The following LINGO2 variants were observed in gnomAD, a reference collection of about 807,000 sequenced individuals.
LINGO2 encodes leucine-rich repeat and immunoglobulin-like domain-containing nogo receptor-interacting protein 2.
A neutral mutation model predicts 30.6 loss-of-function variants in LINGO2; 14 were observed. The ratio of observed to expected loss-of-function variants is 0.46; its 90% CI spans 0.30 to 0.72. LINGO2 has a LOEUF of 0.72. Among genes scored for constraint, LINGO2 ranks in the 30% least tolerant of loss-of-function variants. The pLI is 0.07. For missense variants in LINGO2, 729 were observed against 751.7 expected (o/e 0.97, Z 0.35); for synonymous variants, 317 against 288.5 (o/e 1.10, Z -1.00).
chr9:29,061,299 C>G, the LINGO2 span, among the ~76,000 whole-genome samples: 2 of 151,894 alleles, frequency 1.3e-5, no homozygotes, highest in Non-Finnish European at 2.9e-5. Flanking sequence ...AATACAATCC[C>G]TATCAAAATC....
the LINGO2 span, among the ~76,000 whole-genome samples, chr9:29,114,097 T>A: frequency 7.9e-5 from 12 of 151,440 alleles, no homozygotes; most frequent in Admixed American, 3.3e-4. Context: ...AAGTCCTGAT[T>A]TGGCTTTTTC....
intron 1 of LINGO2, among the ~76,000 whole-genome samples, chr9:28,588,651 G>A (rs1306452793): frequency 6.6e-6 from 1 of 151,988 alleles, no homozygotes; most frequent in Non-Finnish European, 1.5e-5. Flanking sequence ...ATGGAGAATT[G>A]AACCAGAATC....
the LINGO2 span, among the ~76,000 whole-genome samples, chr9:28,773,896 T>C: frequency 0.022 from 3,407 of 152,254 alleles, 61 homozygotes; most frequent in Non-Finnish European, 0.031. Flanking sequence ...GAATACTTAT[T>C]ATAAAGGAAA....
chr9:28,675,966 T>A, the LINGO2 span, among the ~76,000 whole-genome samples: 2 of 149,034 alleles, frequency 1.3e-5, no homozygotes, highest in African/African-American at 4.9e-5. Flanking sequence ...TATATGTATA[T>A]ATACATTTAA....
chr9:28,748,501 A>T, the LINGO2 span, among the ~76,000 whole-genome samples: 2 of 152,060 alleles, frequency 1.3e-5, no homozygotes, highest in Admixed American at 1.3e-4. Flanking sequence ...ATTCATTACT[A>T]AAACACTGTT....
chr9:28,458,636 C>A (rs915867727), intron 2 of LINGO2, among the ~76,000 whole-genome samples: 2 of 152,156 alleles, frequency 1.3e-5, no homozygotes, highest in Non-Finnish European at 2.9e-5. Context: ...AATTCACTTG[C>A]CATTAGGTGG....
chr9:28,563,572 G>A (rs1823214001), intron 1 of LINGO2, among the ~76,000 whole-genome samples: 1 of 152,084 alleles, frequency 6.6e-6, no homozygotes, highest in Admixed American at 6.5e-5. Flanking sequence ...CTATGCAAAT[G>A]CAAATATGCA....
the LINGO2 span, among the ~76,000 whole-genome samples, chr9:28,804,606 C>T: frequency 1.3e-5 from 2 of 151,616 alleles, no homozygotes; most frequent in South Asian, 2.1e-4. Flanking sequence ...TGATTTAATA[C>T]CTTAATCAGA....
chr9:28,793,243 AT>A, the LINGO2 span, among the ~76,000 whole-genome samples: 521 of 152,260 alleles, frequency 3.4e-3, 5 homozygotes, highest in African/African-American at 0.012. Flanking sequence ...TATTTTTTAA[AT>A]TTTTTTGAGC....
the LINGO2 span, among the ~76,000 whole-genome samples, chr9:28,863,454 T>C: frequency 2.0e-3 from 305 of 152,226 alleles, 1 homozygote; most frequent in African/African-American, 7.0e-3. Context: ...TCTGGTGTGT[T>C]TGACACAGGT....
At chr9:28,378,444 T>G (rs1410732080) in intron 2 of LINGO2, among the ~76,000 whole-genome samples, 1 of 152,122 alleles carries the variant, frequency 6.6e-6, no homozygotes, top group Non-Finnish European at 1.5e-5. Context: ...CATGTGGCAA[T>G]AAATACAGGA....
At chr9:28,809,094 T>C in the LINGO2 span, among the ~76,000 whole-genome samples, 2 of 152,238 alleles carry the variant, frequency 1.3e-5, no homozygotes, top group Non-Finnish European at 2.9e-5. Context: ...TAGAAGCTTT[T>C]CTTTAATTAA....
chr9:29,122,909 C>G, the LINGO2 span, among the ~76,000 whole-genome samples: 1 of 152,040 alleles, frequency 6.6e-6, no homozygotes, highest in Non-Finnish European at 1.5e-5. Flanking sequence ...CAGTAATAGC[C>G]CAGTGTGTCT....
At chr9:28,339,970 C>T (rs988189189) in intron 3 of LINGO2, among the ~76,000 whole-genome samples, 9 of 152,142 alleles carry the variant, frequency 5.9e-5, no homozygotes, top group Non-Finnish European at 1.2e-4. Flanking sequence ...CAAAGCCTGG[C>T]CACTTCCCCT....
the LINGO2 span, among the ~76,000 whole-genome samples, chr9:28,830,138 G>T: frequency 6.6e-6 from 1 of 152,122 alleles, no homozygotes; most frequent in East Asian, 1.9e-4. Context: ...GACAAATTTC[G>T]TCTGGAATAG....
At chr9:28,024,331 A>G (rs1165419331) in intron 4 of LINGO2, among the ~76,000 whole-genome samples, 1 of 152,136 alleles carries the variant, frequency 6.6e-6, no homozygotes, top group Non-Finnish European at 1.5e-5. Flanking sequence ...TGCCCGGAGG[A>G]TGGGTGGAGG....
the LINGO2 span, among the ~76,000 whole-genome samples, chr9:28,774,586 T>C: frequency 3.5e-5 from 5 of 144,600 alleles, no homozygotes; most frequent in South Asian, 2.2e-4. Context: ...TTGTCAGCTC[T>C]GAACTTAAAA....
At chr9:28,797,355 TATATAGAGAG>T in the LINGO2 span, among the ~76,000 whole-genome samples, 378 of 59,266 alleles carry the variant, frequency 6.4e-3, 3 homozygotes, top group Admixed American at 0.01. Flanking sequence ...TATATATATA[TATATAGAGAG>T]AGAGAGAGAG....
At chr9:28,038,209 A>G (rs987334506) in intron 4 of LINGO2, among the ~76,000 whole-genome samples, 1 of 144,550 alleles carries the variant, frequency 6.9e-6, no homozygotes, top group Non-Finnish European at 1.5e-5. Flanking sequence ...AGACCATGCC[A>G]GGACAGTTAT....
Sources: gnomAD v4.1 joint callset for allele counts (sites outside exome capture counted in the v4.1 genomes callset) on GRCh38, gnomAD v4.1.1 for gene constraint, MANE v1.5 for transcripts, NCBI Gene and HGNC (gene_info 2026-07-23, HGNC 2026-07-21) for gene names.